SEM1: variants seen among roughly 807,000 people sequenced by gnomAD.
The protein encoded by SEM1 is 26S proteasome complex subunit SEM1.
Under a neutral mutation model 12.7 loss-of-function variants are expected in SEM1, and 3 were observed. That is an observed-to-expected ratio of 0.24 (90% CI 0.11 to 0.61). The LOEUF (loss-of-function observed/expected upper bound fraction) is 0.61, where lower values mean the gene tolerates loss of function less well. SEM1 is among the 20% of genes least tolerant of loss of function. The pLI is 0.88. For synonymous variants in SEM1, 30 were observed against 27.8 expected (o/e 1.08, Z -0.25); for missense variants, 59 against 81.3 (o/e 0.73, Z 1.06).
chr7:96,563,325 G>T (rs752190252), intron 2 of SEM1, among the ~76,000 whole-genome samples: 9 of 151,922 alleles, frequency 5.9e-5, no homozygotes, highest in Non-Finnish European at 1.2e-4. Context: ...TGAGAGTGAG[G>T]ATGGGGAGGG....
At chr7:96,528,466 A>T (rs1804539848) in intron 2 of SEM1, among the ~76,000 whole-genome samples, 1 of 152,150 alleles carries the variant, frequency 6.6e-6, no homozygotes, top group Admixed American at 6.5e-5. Flanking sequence ...TGCTGGGATT[A>T]TAGGCATTAC....
At chr7:96,598,192 C>T (rs1366517548) in intron 2 of SEM1, among the ~76,000 whole-genome samples, 1 of 151,818 alleles carries the variant, frequency 6.6e-6, no homozygotes, top group African/African-American at 2.4e-5. Flanking sequence ...CTACCTGCAC[C>T]CTGAATTTTA....
chr7:96,708,136 A>C (rs1439516844), intron 1 of SEM1: 1 of 152,234 alleles, frequency 6.6e-6, no homozygotes, highest in Non-Finnish European at 1.5e-5. Context: ...TTGAGTAAGA[A>C]GTAGATCCTA....
chr7:96,648,277 A>C (rs140018482), intron 2 of SEM1, among the ~76,000 whole-genome samples: 1 of 152,286 alleles, frequency 6.6e-6, no homozygotes, highest in Non-Finnish European at 1.5e-5. Flanking sequence ...TTTGGACATC[A>C]ATGTTAGTTC....
chr7:96,657,112 A>G (rs564855358), intron 2 of SEM1, among the ~76,000 whole-genome samples: 1 of 152,296 alleles, frequency 6.6e-6, no homozygotes, highest in East Asian at 1.9e-4. Context: ...ACACTTTGAA[A>G]CAGTGAGAAC....
chr7:96,508,787 A>G lies in SEM1; in HGVS notation c.171-2089T>C, dbSNP rs144097251. Among the ~76,000 whole-genome samples the G allele has an allele frequency of 1.7e-3, 259 of 152,240 alleles. 1 individual carries two copies. The highest frequency in any genetic ancestry group is 6.0e-3 in the African/African-American group (251 of 41,560). On this transcript the variant is annotated intron_variant and NMD_transcript_variant, in intron 2 of 3. Coordinates refer to the SEM1 transcript ENST00000466986. ...CCTCATTCCAAATACTACAAGATAT[A>G]AGAGGAAGCTCCCAGGTAGAGCTAC...
upstream of SEM1, among the ~76,000 whole-genome samples, chr7:96,501,160 G>T (rs1584714504): frequency 1.3e-5 from 2 of 152,086 alleles, no homozygotes; most frequent in East Asian, 3.9e-4. Context: ...AGTGGGTAGA[G>T]CTCATCTGTC....
At chr7:96,545,098 T>G (rs959508184) in intron 2 of SEM1, among the ~76,000 whole-genome samples, 2 of 151,994 alleles carry the variant, frequency 1.3e-5, no homozygotes, top group Non-Finnish European at 2.9e-5. Context: ...CATGGAAACC[T>G]CTGGATTTGA....
At chr7:96,563,182 T>C (rs1216660237) in intron 2 of SEM1, among the ~76,000 whole-genome samples, 2 of 152,024 alleles carry the variant, frequency 1.3e-5, no homozygotes, top group Non-Finnish European at 2.9e-5. Context: ...TAGAACAAAC[T>C]ATTCATTCAT....
At chr7:96,644,879 A>C (rs562835958) in intron 2 of SEM1, among the ~76,000 whole-genome samples, 202 of 152,284 alleles carry the variant, frequency 1.3e-3, no homozygotes, top group African/African-American at 4.7e-3. Context: ...GTAGAGTGAC[A>C]GGTGCATGGT....
intron 1 of SEM1, among the ~76,000 whole-genome samples, chr7:96,490,072 C>T (rs1370336952): frequency 6.6e-6 from 1 of 152,002 alleles, no homozygotes; most frequent in Non-Finnish European, 1.5e-5. Context: ...GGGTCAGATC[C>T]ATGTGTGTCC....
chr7:96,601,411 G>T (rs1202804038), intron 2 of SEM1, among the ~76,000 whole-genome samples: 1 of 152,162 alleles, frequency 6.6e-6, no homozygotes, highest in East Asian at 1.9e-4. Context: ...TGAGGAGGAA[G>T]AATTTGAACA....
intron 2 of SEM1, among the ~76,000 whole-genome samples, chr7:96,676,153 A>G (rs1789444763): frequency 6.6e-6 from 1 of 152,242 alleles, no homozygotes; most frequent in Non-Finnish European, 1.5e-5. Context: ...TCCTGTTTAC[A>G]TAGAGGCATT....
At chr7:96,655,617 T>C (rs1451672548) in intron 2 of SEM1, among the ~76,000 whole-genome samples, 1 of 151,892 alleles carries the variant, frequency 6.6e-6, no homozygotes, top group Non-Finnish European at 1.5e-5. Flanking sequence ...GTCCAAAAAG[T>C]TTTGACATCT....
chr7:96,564,106 A>G (rs1805773922), intron 2 of SEM1, among the ~76,000 whole-genome samples: 3 of 152,122 alleles, frequency 2.0e-5, no homozygotes, highest in Admixed American at 2.0e-4. Flanking sequence ...TTTCTTGAAC[A>G]TAGGAAAGTT....
chr7:96,664,663 C>G (rs73392901), intron 2 of SEM1, among the ~76,000 whole-genome samples: 1,722 of 152,236 alleles, frequency 0.011, 24 homozygotes, highest in African/African-American at 0.039. Flanking sequence ...GGGGTTAGGA[C>G]TTAAATGGTT....
chr7:96,529,337 G>T (rs888263237), intron 2 of SEM1, among the ~76,000 whole-genome samples: 3 of 151,960 alleles, frequency 2.0e-5, no homozygotes, highest in African/African-American at 2.4e-5. Flanking sequence ...TACCATGAAG[G>T]CCTCCTTGAA....
At chr7:96,528,124 A>T (rs1804527754) in intron 2 of SEM1, among the ~76,000 whole-genome samples, 1 of 152,132 alleles carries the variant, frequency 6.6e-6, no homozygotes, top group Admixed American at 6.5e-5. Flanking sequence ...AGTTTTGTGC[A>T]GTCAGATTGG....
At chr7:96,601,652 A>G (rs1807204291) in intron 2 of SEM1, among the ~76,000 whole-genome samples, 1 of 152,136 alleles carries the variant, frequency 6.6e-6, no homozygotes, top group Non-Finnish European at 1.5e-5. Context: ...GAGCTTTTCT[A>G]AGGGCCAACT....
Sources: allele counts gnomAD v4.1 joint callset (sites outside exome capture counted in the v4.1 genomes callset), GRCh38; gene constraint gnomAD v4.1.1; transcripts MANE v1.5; gene names NCBI Gene and HGNC (gene_info 2026-07-23, HGNC 2026-07-21).